The following MMUT variants were observed in gnomAD, a reference collection of about 807,000 sequenced individuals.
MMUT encodes the protein methylmalonyl-CoA mutase, mitochondrial.
A neutral mutation model predicts 79.9 loss-of-function variants in MMUT; 79 were observed. The ratio of observed to expected loss-of-function variants is 0.99; its 90% CI spans 0.82 to 1.19. MMUT has a LOEUF of 1.19. Ranked by LOEUF, MMUT falls within the 50% of genes most tolerant of loss-of-function variation. MMUT has a pLI of 0.00. For synonymous variants in MMUT, 273 were observed against 295.7 expected, an observed-to-expected ratio of 0.92 and a Z score of 0.79; for missense variants, 860 against 917.2, an observed-to-expected ratio of 0.94 and a Z score of 0.81.
At chr6:49,454,522 G>C (rs1767638048) in intron 4 of MMUT, among the ~76,000 whole-genome samples, 1 of 152,136 alleles carries the variant, frequency 6.6e-6, no homozygotes, top group African/African-American at 2.4e-5. Flanking sequence ...TGGCCAGACT[G>C]GTCTTGAATT....
At chr6:49,449,015 C>A in intron 6 of MMUT, 88 bp from the exon 7 acceptor site, 1 of 666,880 alleles carries the variant, frequency 1.5e-6, no homozygotes, top group Admixed American at 2.7e-5. Flanking sequence ...TATATAATTA[C>A]TAATATTAAT....
rs1169128801 is a variant in MMUT at position 49,457,874 on chromosome 6, T to G, written c.570A>C (p.Gly190=). Residue 190 remains glycine (G), a synonymous_variant, in exon 3 of 13, where the codon GGA becomes GGC. Transcript: ENST00000274813. ...AATTTGCAAGAACTGGAATAACTGC[T>G]CCATTCATAGTCATGGAAACTGACA... ...EKMSVSMTMN[G]AVIPVLANFI... 4 of 1,613,842 alleles carry G rather than the reference T, an allele frequency of 2.5e-6. No homozygotes were observed. Among genetic ancestry groups the G allele is most frequent in the Non-Finnish European group, 3.4e-6 (4 of 1,179,760 alleles).
At chr6:49,454,582 A>G (rs1485949748) in intron 4 of MMUT, among the ~76,000 whole-genome samples, 1 of 152,244 alleles carries the variant, frequency 6.6e-6, no homozygotes, top group Non-Finnish European at 1.5e-5. Context: ...CACTGGGATT[A>G]CAGGCATGAG....
rs780283588 is a variant in MMUT at position 49,457,714 on chromosome 6, C to CAA, written c.729_730insTT (p.Asp244LeufsTer39). 3.7e-6 allele frequency: 6 copies of CAA among 1,611,614 alleles called. No homozygotes were observed. The East Asian group carries it at 1.3e-4, about 36-fold the overall frequency. On this transcript the variant is annotated frameshift_variant, in exon 3 of 13. Coordinates refer to ENST00000274813, the MANE Select transcript of MMUT (RefSeq NM_000255.4). LOFTEE classifies it high-confidence loss of function. ...ACCTTTGCTGTATATTCAAATATGT[C>CAA]AGCAATAATTTTCATGGATGGTTCT...
intron 3 of MMUT, 43 bp from the exon 4 acceptor site, chr6:49,456,280 T>G (rs1767686305): frequency 7.3e-7 from 1 of 1,360,874 alleles, no homozygotes; most frequent in African/African-American, 1.4e-5. Context: ...AGTAAAAATA[T>G]TAAAAGGTCC....
chr6:49,435,664 T>C (rs1285595284), intron 11 of MMUT, 41 bp from the exon 12 acceptor site: 1 of 1,585,480 alleles, frequency 6.3e-7, no homozygotes, highest in African/African-American at 1.3e-5. Context: ...TGTTTATTAC[T>C]AGATAATGAC....
intron 12 of MMUT, 21 bp from the exon 13 acceptor site, chr6:49,431,877 A>G (rs766126907): frequency 5.0e-6 from 8 of 1,610,446 alleles, no homozygotes; most frequent in Non-Finnish European, 8.5e-7. Flanking sequence ...AATGTGTTTA[A>G]TTAATAAGAG....
In MMUT at chr6:49,444,861, C is replaced by T. The variant is rs553821054; in HGVS notation, c.1561-107G>A. 50 of 765,754 alleles carry T rather than the reference C, an allele frequency of 6.5e-5. No homozygotes were observed. In the South Asian group the frequency reaches 8.3e-4, roughly 13 times the overall value. 47.4% of individuals were successfully genotyped at this position (765,754 alleles called of 1,614,324 possible). ...GCATATGGCATTTTTTTCCATAATC[C>T]TAACTCCAAATTTAAGAGGAAAAAA... On this transcript the variant is annotated intron_variant, in intron 8 of 12. Coordinates refer to ENST00000274813, the MANE Select transcript of MMUT (RefSeq NM_000255.4).
intron 12 of MMUT, among the ~76,000 whole-genome samples, chr6:49,433,023 G>A (rs962795659): frequency 7.9e-5 from 12 of 152,096 alleles, no homozygotes; most frequent in African/African-American, 2.7e-4. Flanking sequence ...TATTGCAACA[G>A]AACTTAACAC....
intron 9 of MMUT, chr6:49,443,720 AT>A (rs1388690830): frequency 1.0e-5 from 4 of 386,646 alleles, no homozygotes; most frequent in Non-Finnish European, 2.1e-5. Flanking sequence ...TCCAGGAACT[AT>A]TTTTAATGAT....
Position 49,431,613 on chromosome 6 carries a change from T to C in MMUT, c.*115A>G, listed in dbSNP as rs2127411980. 1.7e-6 allele frequency: 2 copies of C among 1,149,026 alleles called. No homozygotes were observed. Among genetic ancestry groups the C allele is most frequent in the South Asian group, 2.7e-5 (2 of 74,458 alleles). 71.2% of individuals were successfully genotyped at this position (1,149,026 alleles called of 1,614,324 possible). ...TAAGTAAGGTATTTTAAAGTAAAGC[T>C]TTCAAGGAAAGTACAAATCAGGTAT... On this transcript the variant is annotated 3_prime_UTR_variant, in exon 13 of 13. Transcript: ENST00000274813.
chr6:49,455,249 A>G (rs1480639322), intron 4 of MMUT, among the ~76,000 whole-genome samples: 1 of 152,212 alleles, frequency 6.6e-6, no homozygotes, highest in Non-Finnish European at 1.5e-5. Context: ...CTGTTGCAGT[A>G]TCACATATCG....
At chr6:49,451,860 C>G (rs933577293) in intron 5 of MMUT, 146 bp from the exon 6 acceptor site, 1 of 958,844 alleles carries the variant, frequency 1.0e-6, no homozygotes, top group African/African-American at 1.6e-5. Flanking sequence ...TAAATTCAGA[C>G]AAATTAGTTT....
chr6:49,434,172 G>T (rs761936780), intron 12 of MMUT, among the ~76,000 whole-genome samples: 2 of 151,970 alleles, frequency 1.3e-5, no homozygotes, highest in African/African-American at 4.8e-5. Context: ...TGATAGAAGC[G>T]TTCTGTAGAC....
At chr6:49,458,467 C>A (rs1233870864) in intron 2 of MMUT, among the ~76,000 whole-genome samples, 2 of 152,128 alleles carry the variant, frequency 1.3e-5, no homozygotes, top group Non-Finnish European at 2.9e-5. Context: ...AATATGGTCA[C>A]AAAGGATTCC....
At chr6:49,432,361 A>C (rs1395870511) in intron 12 of MMUT, among the ~76,000 whole-genome samples, 1 of 150,432 alleles carries the variant, frequency 6.6e-6, no homozygotes, top group Non-Finnish European at 1.5e-5. Flanking sequence ...GTTGCTGTTG[A>C]TTTTTTTTAG....
At chr6:49,449,063 GAATTA>G in intron 6 of MMUT, 136 bp from the exon 7 acceptor site, 4 of 503,604 alleles carry the variant, frequency 7.9e-6, no homozygotes, top group Non-Finnish European at 1.4e-5. Context: ...CATAAGAACA[GAATTA>G]AATAAACATC....
intron 9 of MMUT, among the ~76,000 whole-genome samples, chr6:49,443,382 T>C (rs1767328278): frequency 6.6e-6 from 1 of 152,164 alleles, no homozygotes; most frequent in Non-Finnish European, 1.5e-5. Context: ...CCCAATGCAC[T>C]GTACATGAGG....
At chr6:49,451,347 G>GT in intron 6 of MMUT, 119 bp downstream of exon 6, 1 of 1,153,358 alleles carries the variant, frequency 8.7e-7, no homozygotes, top group Non-Finnish European at 1.2e-6. Flanking sequence ...ATATAAATCT[G>GT]TAAGTGATTT....
Sources: allele counts gnomAD v4.1 joint callset (sites outside exome capture counted in the v4.1 genomes callset), GRCh38; gene constraint gnomAD v4.1.1; transcripts MANE v1.5; gene names NCBI Gene and HGNC (gene_info 2026-07-23, HGNC 2026-07-21).